The following TENM3 variants were observed in gnomAD, a reference collection of about 807,000 sequenced individuals.
TENM3 encodes teneurin-3.
Under a neutral mutation model 255.1 loss-of-function variants are expected in TENM3, and 63 were observed. That is an observed-to-expected ratio of 0.25 (90% confidence interval 0.20 to 0.30). The LOEUF (loss-of-function observed/expected upper bound fraction) is 0.30, where lower values mean the gene tolerates loss of function less well. Ranked by LOEUF, TENM3 falls within the 10% of genes least tolerant of loss-of-function variation. The probability of loss-of-function intolerance (pLI) is 1.00; values close to 1 mark genes in which losing one functional copy is unlikely to be tolerated. For missense variants in TENM3, 2,929 were observed against 3,461.1 expected, an observed-to-expected ratio of 0.85 and a Z score of 3.86; for synonymous variants, 1,306 against 1,322.3, an observed-to-expected ratio of 0.99 and a Z score of 0.27.
the TENM3 span, among the ~76,000 whole-genome samples, chr4:182,118,319 G>A: frequency 6.6e-6 from 1 of 152,112 alleles, no homozygotes; most frequent in Non-Finnish European, 1.5e-5. Flanking sequence ...CAAGTACAAT[G>A]ATGAAAAGCA....
At chr4:181,596,271 C>T in the TENM3 span, among the ~76,000 whole-genome samples, 301 of 152,308 alleles carry the variant, frequency 2.0e-3, no homozygotes, top group African/African-American at 7.0e-3. Context: ...AAATTATTCT[C>T]CAAATCTGAT....
chr4:181,603,992 C>A, the TENM3 span, among the ~76,000 whole-genome samples: 3 of 152,074 alleles, frequency 2.0e-5, no homozygotes, highest in African/African-American at 7.2e-5. Flanking sequence ...TTGCCGGGCG[C>A]GGTGGCTCAC....
the TENM3 span, among the ~76,000 whole-genome samples, chr4:181,634,955 C>T: frequency 3.3e-5 from 5 of 151,782 alleles, no homozygotes; most frequent in African/African-American, 1.2e-4. Context: ...CCCTTTTTTT[C>T]ATCTGCTAGG....
chr4:182,364,507 T>G (rs569117737), intron 3 of TENM3, among the ~76,000 whole-genome samples: 1 of 152,022 alleles, frequency 6.6e-6, no homozygotes, highest in Non-Finnish European at 1.5e-5. Flanking sequence ...AGCTCCGTCT[T>G]CCGGGTTCAC....
At chr4:182,647,825 C>T (rs185168504) in intron 5 of TENM3, among the ~76,000 whole-genome samples, 4 of 152,200 alleles carry the variant, frequency 2.6e-5, no homozygotes, top group African/African-American at 9.6e-5. Flanking sequence ...GTGTTTGCAA[C>T]AAAATGTTGC....
chr4:181,895,280 T>C, the TENM3 span, among the ~76,000 whole-genome samples: 1 of 152,038 alleles, frequency 6.6e-6, no homozygotes, highest in Non-Finnish European at 1.5e-5. Flanking sequence ...TAAACAAAAT[T>C]AGTATTTTCG....
At chr4:181,449,464 A>G in the TENM3 span, among the ~76,000 whole-genome samples, 1 of 152,132 alleles carries the variant, frequency 6.6e-6, no homozygotes, top group Non-Finnish European at 1.5e-5. Context: ...ATTTTAACAA[A>G]AGTTGTAGTT....
chr4:182,055,516 C>T, the TENM3 span, among the ~76,000 whole-genome samples: 1 of 152,100 alleles, frequency 6.6e-6, no homozygotes, highest in East Asian at 1.9e-4. Flanking sequence ...CTTGATGATC[C>T]TTGCCTCCTT....
At chr4:182,373,386 C>A (rs1187831148) in intron 3 of TENM3, among the ~76,000 whole-genome samples, 2 of 152,178 alleles carry the variant, frequency 1.3e-5, no homozygotes, top group Admixed American at 1.3e-4. Flanking sequence ...TTATTTGGCT[C>A]ACAGTTCTGC....
At chr4:182,316,304 A>G (rs558248332) in intron 1 of TENM3, among the ~76,000 whole-genome samples, 15 of 152,182 alleles carry the variant, frequency 9.9e-5, no homozygotes, top group South Asian at 6.2e-4. Context: ...ACTGCTAATT[A>G]TTCCCCGCAA....
intron 3 of TENM3, among the ~76,000 whole-genome samples, chr4:182,509,474 G>C (rs144956509): frequency 0.014 from 2,098 of 152,218 alleles, 25 homozygotes; most frequent in Middle Eastern, 0.034. Context: ...AAATCACTGA[G>C]AATATTATTT....
At chr4:182,757,678 A>G (rs981799039) in intron 22 of TENM3, among the ~76,000 whole-genome samples, 1 of 152,222 alleles carries the variant, frequency 6.6e-6, no homozygotes, top group Admixed American at 6.5e-5. Context: ...AAGAAGATAT[A>G]TTTCTCTAGT....
chr4:182,709,130 G>A (rs957789416), intron 12 of TENM3, among the ~76,000 whole-genome samples: 3 of 151,380 alleles, frequency 2.0e-5, no homozygotes, highest in African/African-American at 2.4e-5. Flanking sequence ...CTACAGGCAC[G>A]CACCACCACA....
chr4:181,674,850 G>A, the TENM3 span, among the ~76,000 whole-genome samples: 2 of 151,730 alleles, frequency 1.3e-5, no homozygotes, highest in Non-Finnish European at 2.9e-5. Flanking sequence ...TTTACCATGG[G>A]GACCCCTTAT....
At chr4:181,998,113 TG>T in the TENM3 span, among the ~76,000 whole-genome samples, 1 of 152,226 alleles carries the variant, frequency 6.6e-6, no homozygotes, top group South Asian at 2.1e-4. Context: ...TGAGATATAA[TG>T]AGTTTTCTTT....
the TENM3 span, among the ~76,000 whole-genome samples, chr4:181,760,843 G>T: frequency 6.6e-6 from 1 of 151,748 alleles, no homozygotes. Context: ...TCTCCCTTGA[G>T]AATCATATGG....
the TENM3 span, among the ~76,000 whole-genome samples, chr4:181,800,220 T>G: frequency 6.6e-6 from 1 of 152,192 alleles, no homozygotes; most frequent in Admixed American, 6.5e-5. Flanking sequence ...ATCTGTGTAT[T>G]CTACGTAGAC....
the TENM3 span, among the ~76,000 whole-genome samples, chr4:181,654,230 GAAAAAA>G: frequency 9.0e-6 from 1 of 110,564 alleles, no homozygotes. Flanking sequence ...CTGCCTTCAG[GAAAAAA>G]AAAAAAAAAA....
the TENM3 span, among the ~76,000 whole-genome samples, chr4:181,772,492 A>G: frequency 1.3e-5 from 2 of 152,230 alleles, no homozygotes; most frequent in African/African-American, 4.8e-5. Context: ...ATATGCAAGG[A>G]TACTGACTGA....
Sources: allele counts gnomAD v4.1 joint callset (sites outside exome capture counted in the v4.1 genomes callset), GRCh38; gene constraint gnomAD v4.1.1; transcripts MANE v1.5; gene names NCBI Gene and HGNC (gene_info 2026-07-23, HGNC 2026-07-21).